Variants in GNAZ observed in about 807,000 individuals in gnomAD.
The protein encoded by GNAZ is guanine nucleotide-binding protein G(z) subunit alpha.
Under a neutral mutation model 25.4 loss-of-function variants are expected in GNAZ, and 3 were observed. That is an observed-to-expected ratio of 0.12 (90% confidence interval 0.05 to 0.30). GNAZ has a LOEUF of 0.30. GNAZ is among the 10% of genes least tolerant of loss of function. The pLI is 1.00. For missense variants in GNAZ, 241 were observed against 501.8 expected (o/e 0.48, Z 4.97); for synonymous variants, 211 against 205.7 (o/e 1.03, Z -0.22).
chr22:23,088,520 G>A (rs914444331), intron 1 of GNAZ, among the ~76,000 whole-genome samples: 17 of 152,218 alleles, frequency 1.1e-4, no homozygotes, highest in Non-Finnish European at 1.8e-4. Context: ...TGGGGGTGGG[G>A]CAGTGCTGAG....
At chr22:23,073,844 C>T (rs1007441457) in intron 1 of GNAZ, among the ~76,000 whole-genome samples, 1 of 152,010 alleles carries the variant, frequency 6.6e-6, no homozygotes, top group African/African-American at 2.4e-5. Context: ...AGTGCTCACA[C>T]CAGACGGGCA....
Position 23,095,602 on chromosome 22 carries a change from TG to T in GNAZ, c.-91del. 7.1e-7 allele frequency: 1 copy of T among 1,406,164 alleles called. No homozygotes were observed. The highest frequency in any genetic ancestry group is 9.6e-7 in the Non-Finnish European group (1 of 1,045,054). The allele number at this position is 1,406,164 out of a possible 1,614,324, so 87.1% of individuals were successfully genotyped here. A position where few individuals can be genotyped will look rare whatever the true frequency, so the allele number is the denominator to read the frequency against. On this transcript the variant is annotated 5_prime_UTR_variant, in exon 2 of 3. Coordinates refer to ENST00000615612, the MANE Select transcript of GNAZ (RefSeq NM_002073.4). The stretch of plus-strand genomic sequence containing the variant: ...TGGCACTGAGTGCCTCCAGGGCAGC[TG>T]GGCTCTTGTCTGCCTGGTCTCAGTG...
chr22:23,088,356 G>T lies in GNAZ; in HGVS notation c.-449-6891G>T, dbSNP rs566485459. On this transcript the variant is annotated intron_variant, in intron 1 of 2. Transcript: ENST00000615612. ...TGCCCCACATCCTTGTGTGAGGAAG[G>T]GCCTGTGGTCACAGGCATCAGTGAG... Among the ~76,000 whole-genome samples, 18 of 152,252 alleles carry T rather than the reference G, an allele frequency of 1.2e-4. No homozygotes were observed. In the South Asian group the frequency reaches 3.7e-3, roughly 32 times the overall value.
Position 23,122,977 on chromosome 22 carries a change from C to A in GNAZ, c.724-110C>A, listed in dbSNP as rs61645465. 191 of 696,412 alleles carry A rather than the reference C, an allele frequency of 2.7e-4. 1 individual carries two copies. In the East Asian group the frequency reaches 4.4e-3, roughly 16 times the overall value. 43.1% of individuals were successfully genotyped at this position (696,412 alleles called of 1,614,324 possible). On this transcript the variant is annotated intron_variant, in intron 2 of 2. Coordinates refer to ENST00000615612, the MANE Select transcript of GNAZ (RefSeq NM_002073.4). ...CAGAAGGAGGTGCCATTGCAGGGAC[C>A]AGTCTTGGGCTGAGACCCTAGCAAA...
At position 23,071,872 on chromosome 22, in the gene GNAZ, C is replaced by T. The variant is rs2068387490; in HGVS notation, c.-450+1302C>T. On this transcript the variant is annotated intron_variant, in intron 1 of 2. Coordinates refer to ENST00000615612, the MANE Select transcript of GNAZ (RefSeq NM_002073.4). The surrounding 1 kb of genome is among the most constrained non-coding windows in gnomAD (Gnocchi z 4.1). ...GACCGAGGCACTTGGGCAGTTAGGT[C>T]TGATGGGAGCACTTAGCATGCCTGG... 6.6e-6 allele frequency among the ~76,000 whole-genome samples: 1 copy of T among 152,102 alleles called. No homozygotes were observed. The highest frequency in any genetic ancestry group is 1.9e-4 in the East Asian group (1 of 5,196).
chr22:23,123,440 G>T lies in GNAZ; in HGVS notation c.*9G>T. 1 of 1,579,314 alleles carries T rather than the reference G, an allele frequency of 6.3e-7. No individual in the cohort carries two copies. Among genetic ancestry groups the T allele is most frequent in the Non-Finnish European group, 8.7e-7 (1 of 1,154,324 alleles). ...ACATTGGCCTTTGCTGAGGAGCTGG[G>T]CCCGGGGCCCGCCTGCCTATGGTGA... On this transcript the variant is annotated 3_prime_UTR_variant, in exon 3 of 3. Coordinates refer to ENST00000615612, the MANE Select transcript of GNAZ (RefSeq NM_002073.4).
chr22:23,121,761 G>C (rs986405059), intron 2 of GNAZ, among the ~76,000 whole-genome samples: 2 of 140,450 alleles, frequency 1.4e-5, no homozygotes, highest in Admixed American at 1.5e-4. Context: ...TCGCTGCGTC[G>C]CCCAGACTGG....
chr22:23,101,957 G>C (rs527550706), intron 2 of GNAZ, among the ~76,000 whole-genome samples: 64 of 152,318 alleles, frequency 4.2e-4, no homozygotes, highest in African/African-American at 1.3e-3. Flanking sequence ...TCTAAGCTTG[G>C]CCTGGCTTCC....
At chr22:23,099,222 G>A (rs1246552754) in intron 2 of GNAZ, among the ~76,000 whole-genome samples, 2 of 152,276 alleles carry the variant, frequency 1.3e-5, no homozygotes, top group Non-Finnish European at 2.9e-5. Flanking sequence ...TCCCGGGTGT[G>A]AGGGCTGCAG....
chr22:23,119,153 C>T (rs779874197), intron 2 of GNAZ, among the ~76,000 whole-genome samples: 2 of 152,204 alleles, frequency 1.3e-5, no homozygotes, highest in Admixed American at 6.5e-5. Context: ...GTCAGGATGC[C>T]GCTTTGCCCA....
chr22:23,087,662 G>T (rs183710692), intron 1 of GNAZ, among the ~76,000 whole-genome samples: 1 of 152,316 alleles, frequency 6.6e-6, no homozygotes, highest in East Asian at 1.9e-4. Context: ...TGGTGGATGG[G>T]GGGTAGCCAG....
intron 2 of GNAZ, among the ~76,000 whole-genome samples, chr22:23,112,462 CAGG>C (rs1340931983): frequency 6.6e-6 from 1 of 152,104 alleles, no homozygotes; most frequent in African/African-American, 2.4e-5. Context: ...AGGGTGCAGC[CAGG>C]AGGCCAGATG....
At chr22:23,107,942 G>A (rs1027356878) in intron 2 of GNAZ, among the ~76,000 whole-genome samples, 3 of 152,142 alleles carry the variant, frequency 2.0e-5, no homozygotes, top group Non-Finnish European at 2.9e-5. Context: ...GGCCTGCTGC[G>A]GGGGAGGAAG....
intron 1 of GNAZ, among the ~76,000 whole-genome samples, chr22:23,091,313 C>T (rs541152957): frequency 5.3e-5 from 8 of 152,192 alleles, no homozygotes; most frequent in Non-Finnish European, 7.4e-5. Context: ...TATGCATACA[C>T]GCACACATAC....
intron 1 of GNAZ, among the ~76,000 whole-genome samples, chr22:23,077,938 A>G (rs1219511619): frequency 2.0e-5 from 3 of 151,852 alleles, no homozygotes; most frequent in Admixed American, 2.0e-4. Context: ...GGGAGGAGCA[A>G]CTCCACCATG....
intron 1 of GNAZ, among the ~76,000 whole-genome samples, chr22:23,091,679 G>A (rs897490966): frequency 1.3e-5 from 2 of 151,544 alleles, no homozygotes; most frequent in South Asian, 4.2e-4. Flanking sequence ...CACCACAGTG[G>A]ACCTGCATAC....
intron 2 of GNAZ, among the ~76,000 whole-genome samples, chr22:23,097,658 C>A (rs549023640): frequency 1.8e-4 from 28 of 152,378 alleles, no homozygotes; most frequent in African/African-American, 6.7e-4. Context: ...TGGCCCCTTA[C>A]CCTGTGGTTG....
intron 1 of GNAZ, among the ~76,000 whole-genome samples, chr22:23,087,576 G>T (rs1231633619): frequency 1.3e-5 from 2 of 152,254 alleles, no homozygotes; most frequent in East Asian, 3.8e-4. Flanking sequence ...AGCTGGCTGT[G>T]CAGGAGACCG....
intron 2 of GNAZ, among the ~76,000 whole-genome samples, chr22:23,099,029 C>T (rs1032065619): frequency 2.0e-5 from 3 of 152,272 alleles, no homozygotes; most frequent in African/African-American, 4.8e-5. Context: ...GGGCCCAGTG[C>T]CAGGGCTCTG....
Sources: gnomAD v4.1 joint callset for allele counts (sites outside exome capture counted in the v4.1 genomes callset) on GRCh38, gnomAD v4.1.1 for gene constraint, Gnocchi (gnomAD v3.1) non-coding constraint, MANE v1.5 for transcripts, NCBI Gene and HGNC (gene_info 2026-07-23, HGNC 2026-07-21) for gene names.